The following SH3GL2 variants were observed in gnomAD, a reference collection of about 807,000 sequenced individuals.
SH3GL2 encodes the protein endophilin-A1.
A neutral mutation model predicts 46.0 loss-of-function variants in SH3GL2; 24 were observed. That is an observed-to-expected ratio of 0.52 (90% CI 0.38 to 0.73). SH3GL2 has a LOEUF of 0.73. Ranked by LOEUF, SH3GL2 falls within the 30% of genes least tolerant of loss-of-function variation. The probability of loss-of-function intolerance (pLI) is 0.00; values close to 1 mark genes in which losing one functional copy is unlikely to be tolerated. For synonymous variants in SH3GL2, 196 were observed against 147.1 expected (o/e 1.33, Z -2.40); for missense variants, 413 against 424.2 (o/e 0.97, Z 0.23).
Position 17,701,496 on chromosome 9 carries a change from A to G in SH3GL2, c.46-45570A>G, listed in dbSNP as rs1400488655. 3.3e-5 allele frequency among the ~76,000 whole-genome samples: 5 copies of G among 152,102 alleles called. No homozygotes were observed. The South Asian group carries it at 8.3e-4, about 25-fold the overall frequency. On this transcript the variant is annotated intron_variant, in intron 1 of 8. Transcript: ENST00000380607. ...TTGGAAGTGAGTCACAAGCATGAGTATAGAAATTGGGGAACAGGTAGTAAA... is the reference window on the plus strand; with the variant it reads ...TTGGAAGTGAGTCACAAGCATGAGTGTAGAAATTGGGGAACAGGTAGTAAA...
chr9:17,754,413 C>T (rs1438469726), intron 2 of SH3GL2, among the ~76,000 whole-genome samples: 1 of 152,150 alleles, frequency 6.6e-6, no homozygotes, highest in Admixed American at 6.5e-5. Flanking sequence ...GTGACTCACG[C>T]CTGTAATCCC....
rs191003840 is a variant in SH3GL2, at chr9:17,692,487, A to G, written c.46-54579A>G. ...ATGGTAAAACCCCATCTCTACTAAA[A>G]ATACAAAAATTAGCTGGGTCTGGTG... On this transcript the variant is annotated intron_variant, in intron 1 of 8. Coordinates refer to ENST00000380607, the MANE Select transcript of SH3GL2 (RefSeq NM_003026.5). Among the ~76,000 whole-genome samples the G allele has an allele frequency of 3.3e-5, 5 of 152,140 alleles. No individual in the cohort carries two copies. The East Asian group carries it at 9.7e-4, about 30-fold the overall frequency.
Position 17,579,163 on chromosome 9 carries a change from C to T in SH3GL2, c.-80C>T, listed in dbSNP as rs1202802462. 1.9e-5 allele frequency: 20 copies of T among 1,039,568 alleles called. No individual in the cohort carries two copies. The highest frequency in any genetic ancestry group is 3.4e-5 in the African/African-American group (2 of 59,374). 64.4% of individuals were successfully genotyped at this position (1,039,568 alleles called of 1,614,324 possible). A position where few individuals can be genotyped will look rare whatever the true frequency, so the allele number is the denominator to read the frequency against. ...GCACGACCAGAGGCGGCCAGGGGAG[C>T]GCGCCGCCCCGCTCGGCCCTCCAGT... On this transcript the variant is annotated 5_prime_UTR_variant, in exon 1 of 9. Coordinates refer to ENST00000380607, the MANE Select transcript of SH3GL2 (RefSeq NM_003026.5).
chr9:17,721,714 G>C (rs1821897618), intron 1 of SH3GL2, among the ~76,000 whole-genome samples: 1 of 152,036 alleles, frequency 6.6e-6, no homozygotes, highest in South Asian at 2.1e-4. Context: ...CTGGTTCTCA[G>C]GCCTTAAGAG....
chr9:17,755,100 C>A (rs1030033271), intron 2 of SH3GL2, among the ~76,000 whole-genome samples: 1 of 152,156 alleles, frequency 6.6e-6, no homozygotes, highest in Non-Finnish European at 1.5e-5. Flanking sequence ...TTTGCCCATT[C>A]AGTATGATGT....
intron 1 of SH3GL2, among the ~76,000 whole-genome samples, chr9:17,641,758 A>C (rs1011521624): frequency 6.6e-6 from 1 of 152,198 alleles, no homozygotes; most frequent in African/African-American, 2.4e-5. Flanking sequence ...TGTCCCTGCA[A>C]AGGATATGAA....
intron 1 of SH3GL2, among the ~76,000 whole-genome samples, chr9:17,587,256 T>A (rs7867956): frequency 0.78 from 118,411 of 152,106 alleles, 46,580 homozygotes; most frequent in African/African-American, 0.88. Context: ...AGTGAATGAC[T>A]CCAGTGAGGA....
At chr9:17,775,994 T>A (rs1823631442) in intron 3 of SH3GL2, among the ~76,000 whole-genome samples, 2 of 152,176 alleles carry the variant, frequency 1.3e-5, no homozygotes, top group Non-Finnish European at 2.9e-5. Flanking sequence ...GCAATTTAAA[T>A]CAGGTTGTAA....
chr9:17,669,530 A>G (rs780870407), intron 1 of SH3GL2, among the ~76,000 whole-genome samples: 21 of 152,196 alleles, frequency 1.4e-4, no homozygotes, highest in Non-Finnish European at 2.4e-4. Context: ...ACAGTATACA[A>G]TCCTTAGGGA....
intron 1 of SH3GL2, chr9:17,653,788 G>A (rs938846206): frequency 3.4e-6 from 2 of 581,620 alleles, no homozygotes; most frequent in Middle Eastern, 8.3e-4. Flanking sequence ...TTCAATTTGA[G>A]GGTGGCTGAA....
At chr9:17,686,843 G>A (rs1438135984) in intron 1 of SH3GL2, among the ~76,000 whole-genome samples, 1 of 150,072 alleles carries the variant, frequency 6.7e-6, no homozygotes, top group Non-Finnish European at 1.5e-5. Flanking sequence ...AATGCTAGAT[G>A]ACGAGTTAGT....
intron 3 of SH3GL2, among the ~76,000 whole-genome samples, chr9:17,771,060 G>A (rs1282707714): frequency 6.6e-6 from 1 of 152,182 alleles, no homozygotes. Context: ...GTGGTACTTT[G>A]TTATTCTATG....
Position 17,614,295 on chromosome 9 carries a change from G to GGAAAAAAAAAAAAAAAAAAA in SH3GL2, c.45+35008_45+35009insGAAAAAAAAAAAAAAAAAAA, listed in dbSNP as rs762920242. Among the ~76,000 whole-genome samples the GGAAAAAAAAAAAAAAAAAAA allele has an allele frequency of 3.4e-4, 24 of 70,298 alleles. 2 individuals carry two copies. The highest frequency in any genetic ancestry group is 1.3e-3 in the African/African-American group (23 of 17,350). 46.1% of individuals were successfully genotyped at this position (70,298 alleles called of 152,430 possible). The stretch of plus-strand genomic sequence containing the variant: ...GTGACAGGGAACATGCATGGTTTCT[G>GGAAAAAAAAAAAAAAAAAAA]AAAAAAAAAAAAAAAAAAAAAAAAA... On this transcript the variant is annotated intron_variant, in intron 1 of 8. Transcript: ENST00000380607.
At chr9:17,772,759 G>C (rs969800997) in intron 3 of SH3GL2, among the ~76,000 whole-genome samples, 1 of 152,166 alleles carries the variant, frequency 6.6e-6, no homozygotes, top group Admixed American at 6.5e-5. Flanking sequence ...AGACAACTGA[G>C]TTGCTTTCAC....
chr9:17,719,195 T>C (rs186798852), intron 1 of SH3GL2, among the ~76,000 whole-genome samples: 7 of 152,266 alleles, frequency 4.6e-5, no homozygotes, highest in East Asian at 1.9e-4. Context: ...GCAGTAGTCA[T>C]AGCAAATACT....
chr9:17,761,634 G>A lies in SH3GL2; in HGVS notation c.187+125G>A, dbSNP rs1307964160. On this transcript the variant is annotated intron_variant, in intron 3 of 8. Coordinates refer to ENST00000380607, the MANE Select transcript of SH3GL2 (RefSeq NM_003026.5). ...GCTTCCTCGGTCCACTTTTCTGAGA[G>A]GTTAGCGACTTCATGGATAGCACAT... is the stretch of plus-strand genomic sequence containing the variant. The A allele has an allele frequency of 3.9e-6, 3 of 774,334 alleles. No homozygotes were observed. The Admixed American group carries it at 5.1e-5, about 13-fold the overall frequency. 48.0% of individuals were successfully genotyped at this position (774,334 alleles called of 1,614,324 possible).
At chr9:17,765,339 G>C (rs905134801) in intron 3 of SH3GL2, among the ~76,000 whole-genome samples, 3 of 152,102 alleles carry the variant, frequency 2.0e-5, no homozygotes, top group African/African-American at 7.2e-5. Context: ...TACTGCTCCT[G>C]GGTGCTTGCT....
chr9:17,607,656 C>A (rs767872294), intron 1 of SH3GL2, among the ~76,000 whole-genome samples: 17 of 152,144 alleles, frequency 1.1e-4, no homozygotes, highest in Non-Finnish European at 2.1e-4. Flanking sequence ...TTACATGGTT[C>A]ATTGTTCACA....
At chr9:17,628,392 C>G (rs939957137) in intron 1 of SH3GL2, among the ~76,000 whole-genome samples, 4 of 150,302 alleles carry the variant, frequency 2.7e-5, no homozygotes, top group African/African-American at 9.8e-5. Context: ...TCTGGGGATG[C>G]CCAGATAACT....
Sources: allele counts gnomAD v4.1 joint callset (sites outside exome capture counted in the v4.1 genomes callset), GRCh38; gene constraint gnomAD v4.1.1; transcripts MANE v1.5; gene names NCBI Gene and HGNC (gene_info 2026-07-23, HGNC 2026-07-21).